The following MEOX2 variants were observed in gnomAD, a reference collection of about 807,000 sequenced individuals.
MEOX2 encodes the protein homeobox protein MOX-2.
Under a neutral mutation model 27.0 loss-of-function variants are expected in MEOX2, and 11 were observed. The observed-to-expected ratio is 0.41, with a 90% CI of 0.26 to 0.68. The LOEUF (loss-of-function observed/expected upper bound fraction) is 0.68, where lower values mean the gene tolerates loss of function less well. MEOX2 is among the 30% of genes least tolerant of loss of function. MEOX2 has a pLI of 0.33. For synonymous variants in MEOX2, 189 were observed against 155.4 expected, an observed-to-expected ratio of 1.22 and a Z score of -1.61; for missense variants, 436 against 385.4, an observed-to-expected ratio of 1.13 and a Z score of -1.10.
rs757401014 is a variant in MEOX2, at chr7:15,686,442, C to A, written c.-40G>T. On this transcript the variant is annotated 5_prime_UTR_variant, in exon 1 of 3. Coordinates refer to ENST00000262041, the MANE Select transcript of MEOX2 (RefSeq NM_005924.5). ...GGGTTCCAGGCAGAAGACTTCACGG[C>A]GGTTCCAAAGGCCACCACCCTCTGT... The A allele has an allele frequency of 1.6e-5, 25 of 1,522,238 alleles. No individual in the cohort carries two copies. In the East Asian group the frequency reaches 1.7e-4, roughly 10 times the overall value. 94.3% of individuals were successfully genotyped at this position (1,522,238 alleles called of 1,614,324 possible).
chr7:15,649,332 G>C (rs960196731), intron 1 of MEOX2, among the ~76,000 whole-genome samples: 3 of 151,926 alleles, frequency 2.0e-5, no homozygotes, highest in Non-Finnish European at 4.4e-5. Context: ...CAGTAAGGGT[G>C]GGGGGAGACA....
intron 2 of MEOX2, among the ~76,000 whole-genome samples, chr7:15,618,734 T>A (rs375540964): frequency 2.2e-3 from 341 of 151,992 alleles, no homozygotes; most frequent in Middle Eastern, 3.4e-3. Flanking sequence ...AAATTCTTTA[T>A]CAGAATCTAT....
intron 1 of MEOX2, chr7:15,680,598 C>G (rs1782277865): frequency 1.3e-5 from 2 of 151,808 alleles, no homozygotes; most frequent in African/African-American, 4.8e-5. Flanking sequence ...CTTGGGGGTT[C>G]AGTTCAACAC....
chr7:15,669,913 A>G (rs1267965229), intron 1 of MEOX2, among the ~76,000 whole-genome samples: 4 of 152,118 alleles, frequency 2.6e-5, no homozygotes, highest in African/African-American at 9.7e-5. Context: ...AAGTTTTCAT[A>G]CTTTCCCCCT....
At chr7:15,628,611 T>G (rs951745451) in intron 1 of MEOX2, among the ~76,000 whole-genome samples, 6 of 152,150 alleles carry the variant, frequency 3.9e-5, no homozygotes, top group Admixed American at 1.3e-4. Context: ...ACAGGTTGAT[T>G]GCACTTTATA....
At chr7:15,672,674 T>C (rs544185752) in intron 1 of MEOX2, among the ~76,000 whole-genome samples, 10 of 152,060 alleles carry the variant, frequency 6.6e-5, no homozygotes, top group South Asian at 2.1e-4. Context: ...GGGCGGATCA[T>C]GAGGTCAGGA....
At chr7:15,673,702 A>C (rs1782146985) in intron 1 of MEOX2, among the ~76,000 whole-genome samples, 1 of 151,870 alleles carries the variant, frequency 6.6e-6, no homozygotes, top group African/African-American at 2.4e-5. Context: ...AAGATGAGAG[A>C]TTGTAGACAG....
intron 1 of MEOX2, among the ~76,000 whole-genome samples, chr7:15,667,354 C>A (rs901652176): frequency 1.3e-5 from 2 of 149,142 alleles, no homozygotes; most frequent in Admixed American, 1.3e-4. Flanking sequence ...AGCTGCCACC[C>A]TTTTCCTGGA....
At chr7:15,685,516 C>A (rs1041487967) in intron 1 of MEOX2, among the ~76,000 whole-genome samples, 1 of 152,222 alleles carries the variant, frequency 6.6e-6, no homozygotes, top group African/African-American at 2.4e-5. Context: ...GGCACCCGCA[C>A]GCACGCCTGC....
chr7:15,659,433 T>C (rs1283304368), intron 1 of MEOX2, among the ~76,000 whole-genome samples: 1 of 152,048 alleles, frequency 6.6e-6, no homozygotes, highest in Non-Finnish European at 1.5e-5. Context: ...TGTCAAAGTA[T>C]CTGTAATGTC....
chr7:15,681,881 T>C (rs1282533814), intron 1 of MEOX2: 1 of 151,788 alleles, frequency 6.6e-6, no homozygotes, highest in Non-Finnish European at 1.5e-5. Flanking sequence ...GAACTATAAA[T>C]GAAGAAATTT....
chr7:15,618,285 C>T (rs556688635), intron 2 of MEOX2, among the ~76,000 whole-genome samples: 7 of 152,072 alleles, frequency 4.6e-5, no homozygotes, highest in African/African-American at 7.2e-5. Flanking sequence ...ATATTGTTTA[C>T]TCAAGTATTT....
chr7:15,640,768 A>T (rs1257011270), intron 1 of MEOX2, among the ~76,000 whole-genome samples: 2 of 152,174 alleles, frequency 1.3e-5, no homozygotes, highest in African/African-American at 4.8e-5. Context: ...CTTTTTCTGC[A>T]TCTACTGAGA....
intron 2 of MEOX2, among the ~76,000 whole-genome samples, chr7:15,620,032 A>C (rs1013849087): frequency 6.6e-6 from 1 of 152,038 alleles, no homozygotes; most frequent in Non-Finnish European, 1.5e-5. Flanking sequence ...GATGCTTACC[A>C]ATACTGTCAA....
At chr7:15,674,369 T>C (rs941403008) in intron 1 of MEOX2, among the ~76,000 whole-genome samples, 13 of 152,016 alleles carry the variant, frequency 8.6e-5, no homozygotes, top group African/African-American at 3.1e-4. Flanking sequence ...GCAAGAGACC[T>C]GAAAGTAGGC....
At chr7:15,673,892 C>G (rs897936397) in intron 1 of MEOX2, among the ~76,000 whole-genome samples, 8 of 152,014 alleles carry the variant, frequency 5.3e-5, no homozygotes, top group African/African-American at 1.9e-4. Context: ...TTGTCTTAAA[C>G]TCCTAACATT....
At position 15,626,126 on chromosome 7, in the gene MEOX2, A is replaced by T. The variant is rs564804884; in HGVS notation, c.690+620T>A. On this transcript the variant is annotated intron_variant, in intron 2 of 2. Transcript: ENST00000262041. The stretch of plus-strand genomic sequence containing the variant: ...TGTGTAAATAGAAGTGACATGGCTA[A>T]TTTCCAGGTGAAAACATTTAAAGGT... 6.6e-5 allele frequency among the ~76,000 whole-genome samples: 10 copies of T among 152,238 alleles called. No homozygotes were observed. The South Asian group carries it at 1.0e-3, about 16-fold the overall frequency.
intron 1 of MEOX2, among the ~76,000 whole-genome samples, chr7:15,643,910 G>A (rs896982279): frequency 1.3e-5 from 2 of 152,192 alleles, no homozygotes; most frequent in Admixed American, 6.5e-5. Flanking sequence ...CATCACCTGT[G>A]ATGGGGTTGG....
intron 1 of MEOX2, among the ~76,000 whole-genome samples, chr7:15,644,635 G>A (rs746357874): frequency 1.3e-5 from 2 of 152,158 alleles, no homozygotes; most frequent in Non-Finnish European, 1.5e-5. Flanking sequence ...CTCTGGACAT[G>A]ATTTGGATAG....
Sources: allele counts gnomAD v4.1 joint callset (sites outside exome capture counted in the v4.1 genomes callset), GRCh38; gene constraint gnomAD v4.1.1; transcripts MANE v1.5; gene names NCBI Gene and HGNC (gene_info 2026-07-23, HGNC 2026-07-21).